TTC29: variants seen among roughly 807,000 people sequenced by gnomAD.
TTC29 encodes tetratricopeptide repeat domain 29.
Under a neutral mutation model 58.1 loss-of-function variants are expected in TTC29, and 49 were observed. That is an observed-to-expected ratio of 0.84 (90% confidence interval 0.67 to 1.07). TTC29 has a LOEUF of 1.07. TTC29 is among the 50% of genes least tolerant of loss of function. The pLI is 0.00. For missense variants in TTC29, 582 were observed against 555.6 expected (o/e 1.05, Z -0.48); for synonymous variants, 209 against 196.8 (o/e 1.06, Z -0.52).
intron 11 of TTC29, among the ~76,000 whole-genome samples, chr4:146,771,998 G>A (rs951279503): frequency 6.6e-6 from 1 of 152,150 alleles, no homozygotes; most frequent in Admixed American, 6.6e-5. Context: ...TTTCTCTAAT[G>A]ATTAGTGATG....
At chr4:146,866,465 C>T (rs1353737266) in intron 8 of TTC29, among the ~76,000 whole-genome samples, 1 of 152,082 alleles carries the variant, frequency 6.6e-6, no homozygotes, top group Non-Finnish European at 1.5e-5. Context: ...GTGTTGGAAC[C>T]AGCCACTCTT....
intron 11 of TTC29, among the ~76,000 whole-genome samples, chr4:146,760,219 A>G (rs1020906569): frequency 1.3e-5 from 2 of 151,970 alleles, no homozygotes; most frequent in Non-Finnish European, 2.9e-5. Flanking sequence ...ACTTAGCAAT[A>G]TACCTAACCA....
chr4:146,841,275 A>C (rs1425719836), intron 8 of TTC29, among the ~76,000 whole-genome samples: 1 of 152,144 alleles, frequency 6.6e-6, no homozygotes, highest in East Asian at 1.9e-4. Flanking sequence ...GATTTTATTC[A>C]GCGTTGTTCC....
At chr4:146,809,219 C>G (rs1389487387) in intron 10 of TTC29, among the ~76,000 whole-genome samples, 1 of 149,832 alleles carries the variant, frequency 6.7e-6, no homozygotes, top group Non-Finnish European at 1.5e-5. Context: ...TTCCTTACAC[C>G]TTATACAAAA....
At chr4:146,733,515 A>G (rs1313691749) in intron 11 of TTC29, among the ~76,000 whole-genome samples, 1 of 152,218 alleles carries the variant, frequency 6.6e-6, no homozygotes, top group East Asian at 1.9e-4. Flanking sequence ...GGACTTTAAG[A>G]AGCATATTTT....
intron 10 of TTC29, among the ~76,000 whole-genome samples, chr4:146,810,683 C>T (rs571816839): frequency 8.4e-4 from 127 of 151,114 alleles, no homozygotes; most frequent in African/African-American, 3.0e-3. Flanking sequence ...CTCTGTCTCC[C>T]AGGTTCAAGC....
chr4:146,750,029 T>C (rs1049791427), intron 11 of TTC29, among the ~76,000 whole-genome samples: 3 of 152,082 alleles, frequency 2.0e-5, no homozygotes, highest in South Asian at 2.1e-4. Flanking sequence ...TTTTTTGAGA[T>C]GGAGTCTCAC....
intron 4 of TTC29, among the ~76,000 whole-genome samples, chr4:146,910,667 A>G (rs1400154803): frequency 6.6e-6 from 1 of 152,176 alleles, no homozygotes; most frequent in Non-Finnish European, 1.5e-5. Context: ...ACGAGACTGC[A>G]TTTTACAAAA....
chr4:146,759,160 C>A (rs1474937385), intron 11 of TTC29, among the ~76,000 whole-genome samples: 1 of 151,982 alleles, frequency 6.6e-6, no homozygotes, highest in East Asian at 1.9e-4. Context: ...ACAACTGACA[C>A]CACTGAAATA....
chr4:146,939,991 A>T lies in TTC29; in HGVS notation c.-6-90T>A, dbSNP rs562959963. On this transcript the variant is annotated intron_variant, in intron 2 of 12. Coordinates refer to ENST00000325106, the MANE Select transcript of TTC29 (RefSeq NM_031956.4). ...CATTATTAGAGATTTACAGTCTGTCATCTTAGTTGAGAATGCCTATGTGTA... is the reference window on the plus strand; with the variant it reads ...CATTATTAGAGATTTACAGTCTGTCTTCTTAGTTGAGAATGCCTATGTGTA... The T allele has an allele frequency of 1.0e-5, 13 of 1,296,766 alleles. No individual in the cohort carries two copies. In the South Asian group the frequency reaches 2.0e-4, roughly 20 times the overall value. 80.3% of individuals were successfully genotyped at this position (1,296,766 alleles called of 1,614,324 possible).
At chr4:146,862,257 A>G (rs1317266836) in intron 8 of TTC29, among the ~76,000 whole-genome samples, 1 of 150,120 alleles carries the variant, frequency 6.7e-6, no homozygotes, top group African/African-American at 2.4e-5. Context: ...ATCATTATAT[A>G]TATATATATA....
chr4:146,856,517 CCAAA>C (rs1476211305), intron 8 of TTC29, among the ~76,000 whole-genome samples: 5 of 151,656 alleles, frequency 3.3e-5, no homozygotes, highest in Non-Finnish European at 5.9e-5. Context: ...TAAATTATTA[CCAAA>C]CAGATTTGTT....
chr4:146,798,198 T>C (rs1242648944), intron 11 of TTC29, among the ~76,000 whole-genome samples: 1 of 151,720 alleles, frequency 6.6e-6, no homozygotes, highest in Admixed American at 6.6e-5. Context: ...AGCCACAAAG[T>C]AAAGTATATG....
intron 4 of TTC29, among the ~76,000 whole-genome samples, chr4:146,911,859 G>A (rs962692139): frequency 2.0e-5 from 3 of 152,134 alleles, no homozygotes; most frequent in African/African-American, 7.2e-5. Flanking sequence ...CCTCACCTTG[G>A]TGCAAGGAGT....
intron 8 of TTC29, among the ~76,000 whole-genome samples, chr4:146,866,852 TTA>T (rs1255211230): frequency 6.6e-6 from 1 of 152,130 alleles, no homozygotes; most frequent in African/African-American, 2.4e-5. Context: ...GTGAAATGCT[TTA>T]AATACATAGT....
At chr4:146,887,467 G>C (rs1245591369) in intron 6 of TTC29, among the ~76,000 whole-genome samples, 1 of 152,078 alleles carries the variant, frequency 6.6e-6, no homozygotes, top group East Asian at 1.9e-4. Context: ...GAGTATGATA[G>C]GGAGAGGGGA....
chr4:146,916,406 T>C (rs575001020), intron 4 of TTC29, among the ~76,000 whole-genome samples: 2 of 151,780 alleles, frequency 1.3e-5, no homozygotes, highest in African/African-American at 4.8e-5. Context: ...TAAAGCCATA[T>C]AGAATTATAA....
At chr4:146,804,785 G>A (rs1004949536) in intron 10 of TTC29, among the ~76,000 whole-genome samples, 7 of 151,502 alleles carry the variant, frequency 4.6e-5, no homozygotes, top group African/African-American at 1.7e-4. Flanking sequence ...AGCACCTCGG[G>A]GAAGGGAGGC....
At chr4:146,884,653 T>C in intron 6 of TTC29, among the ~76,000 whole-genome samples, 1 of 152,060 alleles carries the variant, frequency 6.6e-6, no homozygotes, top group East Asian at 1.9e-4. Flanking sequence ...GATTTATTTT[T>C]TGACTATGAA....
Sources: gnomAD v4.1 joint callset for allele counts (sites outside exome capture counted in the v4.1 genomes callset) on GRCh38, gnomAD v4.1.1 for gene constraint, MANE v1.5 for transcripts, NCBI Gene and HGNC (gene_info 2026-07-23, HGNC 2026-07-21) for gene names.